ARHGAP15: variants seen among roughly 807,000 people sequenced by gnomAD.
The protein encoded by ARHGAP15 is Rho GTPase activating protein 15.
In ARHGAP15, 51 loss-of-function variants were observed where a neutral mutation model predicts 63.7. The observed-to-expected ratio is 0.80, with a 90% CI of 0.64 to 1.01. The LOEUF is 1.01. Ranked by LOEUF, ARHGAP15 falls within the 50% of genes least tolerant of loss-of-function variation. The pLI, the probability that ARHGAP15 is intolerant of heterozygous loss-of-function variation, is 0.00. For synonymous variants in ARHGAP15, 191 were observed against 193.8 expected (o/e 0.99, Z 0.12); for missense variants, 560 against 564.6 (o/e 0.99, Z 0.08).
chr2:143,379,910 C>T (rs1276485221), intron 6 of ARHGAP15, among the ~76,000 whole-genome samples: 2 of 151,964 alleles, frequency 1.3e-5, no homozygotes, highest in Non-Finnish European at 2.9e-5. Flanking sequence ...ACTAGATTCT[C>T]ATTTTCAATC....
intron 11 of ARHGAP15, among the ~76,000 whole-genome samples, chr2:143,566,584 G>A (rs986981474): frequency 2.6e-5 from 4 of 152,044 alleles, no homozygotes. Flanking sequence ...CTCTCTCTCT[G>A]ACCTCACTGT....
intron 6 of ARHGAP15, among the ~76,000 whole-genome samples, chr2:143,347,182 T>G (rs2105304220): frequency 6.6e-6 from 1 of 152,270 alleles, no homozygotes; most frequent in Admixed American, 6.5e-5. Flanking sequence ...TATGCACATC[T>G]AAACACTATG....
intron 6 of ARHGAP15, among the ~76,000 whole-genome samples, chr2:143,311,813 G>A (rs1464656789): frequency 6.6e-6 from 1 of 152,070 alleles, no homozygotes; most frequent in African/African-American, 2.4e-5. Context: ...GAGATACAAA[G>A]ATGGCAAACC....
At position 143,750,859 on chromosome 2, in the gene ARHGAP15, A is replaced by G. The variant is rs143895839; in HGVS notation, c.1245-17130A>G. Among the ~76,000 whole-genome samples, 846 of 152,352 alleles carry G rather than the reference A, an allele frequency of 5.6e-3. 10 individuals carry two copies. Among genetic ancestry groups the G allele is most frequent in the Non-Finnish European group, 9.5e-3 (649 of 68,030 alleles). ...TGATCAGAACAAGTTTGGAAAATATAAAGTACTATACAGATATAGCGTGAT... is the reference window on the plus strand; with the variant it reads ...TGATCAGAACAAGTTTGGAAAATATGAAGTACTATACAGATATAGCGTGAT... On this transcript the variant is annotated intron_variant, in intron 13 of 13. Transcript: ENST00000295095.
intron 11 of ARHGAP15, among the ~76,000 whole-genome samples, chr2:143,610,804 C>A (rs1324022189): frequency 1.3e-5 from 2 of 151,708 alleles, no homozygotes; most frequent in East Asian, 3.9e-4. Context: ...TCTCGGCTCA[C>A]TGCAGCCTCT....
intron 8 of ARHGAP15, among the ~76,000 whole-genome samples, chr2:143,458,549 G>T (rs576690285): frequency 6.6e-6 from 1 of 152,254 alleles, no homozygotes; most frequent in Non-Finnish European, 1.5e-5. Flanking sequence ...CCAGAGGAAA[G>T]AAAAATCTGA....
chr2:143,263,309 GGCAGAGACACCATAATCAGAGAAA>G (rs1425625780), intron 6 of ARHGAP15, among the ~76,000 whole-genome samples: 3 of 152,108 alleles, frequency 2.0e-5, no homozygotes, highest in Admixed American at 6.6e-5. Context: ...TGGTAGGGCA[GGCAGAGACACCATAATCAGAGAAA>G]GCAAACCCAT....
At chr2:143,200,236 T>C (rs2105109147) in intron 2 of ARHGAP15, among the ~76,000 whole-genome samples, 2 of 152,204 alleles carry the variant, frequency 1.3e-5, no homozygotes, top group Middle Eastern at 3.4e-3. Flanking sequence ...TCAATTATCT[T>C]CCATAGGACA....
chr2:143,488,989 C>G (rs1692451622), intron 9 of ARHGAP15, among the ~76,000 whole-genome samples: 1 of 152,174 alleles, frequency 6.6e-6, no homozygotes, highest in Non-Finnish European at 1.5e-5. Flanking sequence ...TTACTAGTAC[C>G]TTCAGTTCTG....
intron 6 of ARHGAP15, among the ~76,000 whole-genome samples, chr2:143,416,821 ACC>A (rs371665397): frequency 1.9e-4 from 14 of 73,892 alleles, no homozygotes; most frequent in East Asian, 6.0e-4. Context: ...TTCCCCCACC[ACC>A]CCCCCACCCC....
intron 6 of ARHGAP15, among the ~76,000 whole-genome samples, chr2:143,269,922 G>T (rs899090124): frequency 1.3e-5 from 2 of 152,022 alleles, no homozygotes; most frequent in Non-Finnish European, 2.9e-5. Context: ...CATATGTTTT[G>T]TTGAGGGTTT....
intron 11 of ARHGAP15, among the ~76,000 whole-genome samples, chr2:143,595,496 G>A (rs1393367562): frequency 6.6e-6 from 1 of 152,066 alleles, no homozygotes; most frequent in African/African-American, 2.4e-5. Flanking sequence ...TTACACATTT[G>A]TCATTATGTA....
At chr2:143,501,439 C>G (rs1435548020) in intron 9 of ARHGAP15, among the ~76,000 whole-genome samples, 1 of 152,104 alleles carries the variant, frequency 6.6e-6, no homozygotes, top group Admixed American at 6.5e-5. Flanking sequence ...GAAATAATAT[C>G]GAAAGAGGAA....
chr2:143,249,226 C>A (rs1389050529), intron 5 of ARHGAP15, among the ~76,000 whole-genome samples: 2 of 152,030 alleles, frequency 1.3e-5, no homozygotes, highest in African/African-American at 2.4e-5. Context: ...CTATCAAATT[C>A]TATCCTGCCG....
At chr2:143,346,201 C>G (rs932887705) in intron 6 of ARHGAP15, among the ~76,000 whole-genome samples, 2 of 139,248 alleles carry the variant, frequency 1.4e-5, no homozygotes, top group African/African-American at 5.5e-5. Context: ...CACTCTCTCT[C>G]TCACACACAC....
intron 6 of ARHGAP15, among the ~76,000 whole-genome samples, chr2:143,431,014 T>C (rs1293467522): frequency 2.0e-5 from 3 of 152,102 alleles, no homozygotes; most frequent in East Asian, 3.9e-4. Flanking sequence ...GAAGGAGTTG[T>C]AGATAACCCA....
At chr2:143,532,749 C>T (rs1213280076) in intron 10 of ARHGAP15, among the ~76,000 whole-genome samples, 1 of 152,008 alleles carries the variant, frequency 6.6e-6, no homozygotes, top group Non-Finnish European at 1.5e-5. Context: ...TATTTATAGA[C>T]TAGAATATGG....
chr2:143,768,017 A>AT lies in ARHGAP15; in HGVS notation c.1274dup (p.Met425IlefsTer18). Reference sequence around the variant, plus strand: ...AGTGGCCAAAGCCTCCAAGAACCTCATGTCCACGCAAAGCTTGGGGATTGT... The same window carrying AT: ...AGTGGCCAAAGCCTCCAAGAACCTCATTGTCCACGCAAAGCTTGGGGATTGT... On this transcript the variant is annotated frameshift_variant, in exon 14 of 14. Coordinates refer to ENST00000295095, the MANE Select transcript of ARHGAP15 (RefSeq NM_018460.4). LOFTEE classifies it high-confidence loss of function. 1 of 1,613,444 alleles carries AT rather than the reference A, an allele frequency of 6.2e-7. No individual in the cohort carries two copies. Among genetic ancestry groups the AT allele is most frequent in the Non-Finnish European group, 8.5e-7 (1 of 1,179,590 alleles).
rs1458253723 is a variant in ARHGAP15 at position 143,621,715 on chromosome 2, GAT to G, written c.1004-2414_1004-2413del. On this transcript the variant is annotated intron_variant, in intron 11 of 13. Transcript: ENST00000295095. ...TTAATATTATATGGTATTTTAAGTA[GAT>G]ATAATCAAATGGTATCTATTCATGG... Among the ~76,000 whole-genome samples, 10 of 152,216 alleles carry G rather than the reference GAT, an allele frequency of 6.6e-5. No individual in the cohort carries two copies. The East Asian group carries it at 1.9e-3, about 29-fold the overall frequency.
Sources: gnomAD v4.1 joint callset for allele counts (sites outside exome capture counted in the v4.1 genomes callset) on GRCh38, gnomAD v4.1.1 for gene constraint, MANE v1.5 for transcripts, NCBI Gene and HGNC (gene_info 2026-07-23, HGNC 2026-07-21) for gene names.